The following KIF13A variants were observed in gnomAD, a reference collection of about 807,000 sequenced individuals.
The protein encoded by KIF13A is kinesin family member 13A, also known as kinesin-like protein KIF13A.
KIF13A carries 79 observed loss-of-function variants against 212.2 expected under a neutral mutation model. The observed-to-expected ratio is 0.37, with a 90% CI of 0.31 to 0.45. KIF13A has a LOEUF of 0.45. Ranked by LOEUF, KIF13A falls within the 20% of genes least tolerant of loss-of-function variation. The pLI, the probability that KIF13A is intolerant of heterozygous loss-of-function variation, is 1.00. For missense variants in KIF13A, 1,901 were observed against 2,209.0 expected, an observed-to-expected ratio of 0.86 and a Z score of 2.79; for synonymous variants, 789 against 808.6, an observed-to-expected ratio of 0.98 and a Z score of 0.41.
chr6:17,852,368 C>T (rs634252), intron 6 of KIF13A, among the ~76,000 whole-genome samples: 123,310 of 152,132 alleles, frequency 0.81, 50,340 homozygotes, highest in African/African-American at 0.89. Context: ...CAGATCAAAT[C>T]AACCTTTCGG....
At chr6:17,879,376 G>A (rs144384718) in intron 3 of KIF13A, among the ~76,000 whole-genome samples, 1 of 152,280 alleles carries the variant, frequency 6.6e-6, no homozygotes, top group Non-Finnish European at 1.5e-5. Context: ...GGAAGGAGTT[G>A]GAACACAGAC....
chr6:17,980,912 TA>T (rs1781011886), intron 2 of KIF13A, among the ~76,000 whole-genome samples: 1 of 151,084 alleles, frequency 6.6e-6, no homozygotes, highest in African/African-American at 2.4e-5. Flanking sequence ...AGAGAGCAAA[TA>T]AAAACCAAGC....
chr6:17,966,286 T>G (rs1161731975), intron 2 of KIF13A, among the ~76,000 whole-genome samples: 1 of 152,184 alleles, frequency 6.6e-6, no homozygotes, highest in Non-Finnish European at 1.5e-5. Context: ...TGTGTGCTAT[T>G]TTTTATTTTA....
intron 2 of KIF13A, chr6:17,950,774 G>GA: frequency 1.0e-6 from 1 of 979,972 alleles, no homozygotes. Flanking sequence ...CACCCAACTA[G>GA]AAAAATCTCT....
At chr6:17,814,951 G>A (rs1346114825) in intron 17 of KIF13A, among the ~76,000 whole-genome samples, 4 of 152,160 alleles carry the variant, frequency 2.6e-5, no homozygotes, top group Non-Finnish European at 5.9e-5. Context: ...CTGGGCCCGG[G>A]GGACCACTAC....
In KIF13A at chr6:17,790,146, A is replaced by C. The variant is rs1761408416; in HGVS notation, c.3223-236T>G. Among the ~76,000 whole-genome samples the C allele has an allele frequency of 2.0e-5, 3 of 152,366 alleles. No individual in the cohort carries two copies. In the South Asian group the frequency reaches 6.2e-4, roughly 32 times the overall value. On this transcript the variant is annotated intron_variant, in intron 25 of 38. Coordinates refer to ENST00000259711, the MANE Select transcript of KIF13A (RefSeq NM_022113.6). ...AAAACTTGGCTGGGCTCATGCCCGT[A>C]ATCCCAACACTTTGGGAGGCTGAGG...
rs1761335330 is a variant in KIF13A at position 17,789,358 on chromosome 6, A to C, written c.3261+514T>G. 6.6e-6 allele frequency among the ~76,000 whole-genome samples: 1 copy of C among 152,200 alleles called. No homozygotes were observed. The highest frequency in any genetic ancestry group is 2.4e-5 in the African/African-American group (1 of 41,448). On this transcript the variant is annotated intron_variant, in intron 26 of 38. Transcript: ENST00000259711. The surrounding 1 kb of genome is among the most constrained non-coding windows in gnomAD (Gnocchi z 4.8). ...ACAATTATGCGCATAAAATGTCTCC[A>C]ATTTTCCTATTCAGCAAAAGTCTTG... is the stretch of plus-strand genomic sequence containing the variant.
rs1480451689 is a variant in KIF13A, at chr6:17,967,779, G to A, written c.146+19275C>T. On this transcript the variant is annotated intron_variant, in intron 2 of 38. Transcript: ENST00000259711. This position sits in a 1 kb window ranked among gnomAD's most constrained non-coding sequence, Gnocchi z 4.1. ...TTCTGAACCAAGAAGGCTCAACCAT[G>A]GGACTAGGACCCGCTGATGTTTGAC... Among the ~76,000 whole-genome samples the A allele has an allele frequency of 1.3e-5, 2 of 152,148 alleles. No individual in the cohort carries two copies. Among genetic ancestry groups the A allele is most frequent in the Non-Finnish European group, 2.9e-5 (2 of 68,028 alleles).
At chr6:17,878,983 A>G (rs1770815386) in intron 3 of KIF13A, among the ~76,000 whole-genome samples, 1 of 152,208 alleles carries the variant, frequency 6.6e-6, no homozygotes, top group Non-Finnish European at 1.5e-5. Flanking sequence ...ACCTCAAACC[A>G]GTCTTGGAGT....
chr6:17,981,307 T>C (rs1451028734), intron 2 of KIF13A, among the ~76,000 whole-genome samples: 1 of 152,022 alleles, frequency 6.6e-6, no homozygotes, highest in East Asian at 1.9e-4. Flanking sequence ...AATATACATA[T>C]CCACATAAAC....
rs1051067439 is a variant in KIF13A, at chr6:17,947,682, CA to C, written c.146+39371del. On this transcript the variant is annotated intron_variant, in intron 2 of 38. Transcript: ENST00000259711. This position sits in a 1 kb window ranked among gnomAD's most constrained non-coding sequence, Gnocchi z 4.6. Reference sequence around the variant, plus strand: ...TGAAACCCTATCTCTACTAAAAATACAAAAAAAAATTAGCCAGGCATGGTGG... The same window carrying C: ...TGAAACCCTATCTCTACTAAAAATACAAAAAAAATTAGCCAGGCATGGTGG... Among the ~76,000 whole-genome samples the C allele has an allele frequency of 2.6e-5, 4 of 151,002 alleles. No homozygotes were observed. Among genetic ancestry groups the C allele is most frequent in the Non-Finnish European group, 4.4e-5 (3 of 67,676 alleles).
intron 20 of KIF13A, among the ~76,000 whole-genome samples, chr6:17,802,478 T>C (rs764838451): frequency 2.6e-5 from 4 of 151,826 alleles, no homozygotes; most frequent in Non-Finnish European, 5.9e-5. Flanking sequence ...TTAGTAGAGA[T>C]GGGGTTTCTC....
At chr6:17,808,386 A>AAAAC (rs3076207) in intron 18 of KIF13A, among the ~76,000 whole-genome samples, 7,303 of 150,896 alleles carry the variant, frequency 0.048, 227 homozygotes, top group African/African-American at 0.071. Context: ...ACTCAGTCTA[A>AAAAC]AAACAAACAA....
chr6:17,963,862 T>C lies in KIF13A; in HGVS notation c.146+23192A>G, dbSNP rs1779069294. Among the ~76,000 whole-genome samples, 1 of 152,208 alleles carries C rather than the reference T, an allele frequency of 6.6e-6. No individual in the cohort carries two copies. ...GAGCCACCATGCCTGGCCAATATGTTCTATATCTTAATGGTGATAGTGGTT... is the reference window on the plus strand; with the variant it reads ...GAGCCACCATGCCTGGCCAATATGTCCTATATCTTAATGGTGATAGTGGTT... On this transcript the variant is annotated intron_variant, in intron 2 of 38. Coordinates refer to ENST00000259711, the MANE Select transcript of KIF13A (RefSeq NM_022113.6). This position sits in a 1 kb window ranked among gnomAD's most constrained non-coding sequence, Gnocchi z 4.1.
chr6:17,975,251 G>A (rs1459661912), intron 2 of KIF13A, among the ~76,000 whole-genome samples: 1 of 152,186 alleles, frequency 6.6e-6, no homozygotes, highest in African/African-American at 2.4e-5. Context: ...TACTCGGAAG[G>A]CTCAGGCAGG....
At position 17,778,951 on chromosome 6, in the gene KIF13A, C is replaced by T. The variant is rs1207661849; in HGVS notation, c.4088G>A (p.Arg1363Gln). ...TCCAGATATTCAGTTACTTGCCTGC[C>T]GGAGCCGTTCAAGACTCAGAATGTT... ...VENILSLERLRQAVTVKEALS... is the reference protein window; with the variant it reads ...VENILSLERLQQAVTVKEALS... The change falls in exon 33 of 39, where the codon CGG becomes CAG. Residue 1363 changes from arginine (R) to glutamine (Q), a missense_variant. Physicochemically the swap from Arg to Gln is conservative, Grantham distance 43. Transcript: ENST00000259711. 1.9e-6 allele frequency: 3 copies of T among 1,583,316 alleles called. No homozygotes were observed. The highest frequency in any genetic ancestry group is 2.6e-6 in the Non-Finnish European group (3 of 1,164,454).
chr6:17,938,819 ATTTTT>A (rs5874617), intron 2 of KIF13A, among the ~76,000 whole-genome samples: 2 of 139,850 alleles, frequency 1.4e-5, no homozygotes, highest in Admixed American at 7.2e-5. Flanking sequence ...CTTAGAGTGA[ATTTTT>A]TTTTTTTTTT....
At chr6:17,966,282 C>T (rs768896332) in intron 2 of KIF13A, among the ~76,000 whole-genome samples, 11 of 152,120 alleles carry the variant, frequency 7.2e-5, no homozygotes, top group South Asian at 4.1e-4. Context: ...TTTATGTGTG[C>T]TATTTTTTAT....
At chr6:17,806,005 G>A (rs1762915141) in intron 18 of KIF13A, among the ~76,000 whole-genome samples, 1 of 148,270 alleles carries the variant, frequency 6.7e-6, no homozygotes. Flanking sequence ...CTGCAGCCTT[G>A]ACCTCCTGGG....
Sources: gnomAD v4.1 joint callset for allele counts (sites outside exome capture counted in the v4.1 genomes callset) on GRCh38, gnomAD v4.1.1 for gene constraint, Gnocchi (gnomAD v3.1) non-coding constraint, MANE v1.5 for transcripts, NCBI Gene and HGNC (gene_info 2026-07-23, HGNC 2026-07-21) for gene names.